The following ABCD3 variants were observed in gnomAD, a reference collection of about 807,000 sequenced individuals.
ABCD3 encodes ATP-binding cassette sub-family D member 3.
In ABCD3, 41 loss-of-function variants were observed where a neutral mutation model predicts 105.5. The observed-to-expected ratio is 0.39, with a 90% CI of 0.30 to 0.50. The LOEUF (loss-of-function observed/expected upper bound fraction) is 0.50, where lower values mean the gene tolerates loss of function less well. Ranked by LOEUF, ABCD3 falls within the 20% of genes least tolerant of loss-of-function variation. The pLI is 0.84. For missense variants in ABCD3, 622 were observed against 806.3 expected (o/e 0.77, Z 2.77); for synonymous variants, 258 against 269.0 (o/e 0.96, Z 0.40).
chr1:94,397,688 AT>A, the ABCD3 span, among the ~76,000 whole-genome samples: 5 of 151,894 alleles, frequency 3.3e-5, no homozygotes, highest in East Asian at 3.9e-4. Flanking sequence ...TAAAATTACT[AT>A]TTTTTTTCCT....
the ABCD3 span, among the ~76,000 whole-genome samples, chr1:94,401,536 GT>G: frequency 6.6e-6 from 1 of 152,202 alleles, no homozygotes; most frequent in African/African-American, 2.4e-5. Flanking sequence ...TATTCTGAAG[GT>G]TGCTTGAGAG....
At position 94,480,613 on chromosome 1, in the gene ABCD3, A is replaced by G. The variant is rs759341041; in HGVS notation, c.827+7A>G. 6.2e-7 allele frequency: 1 copy of G among 1,613,582 alleles called. No individual in the cohort carries two copies. Among genetic ancestry groups the G allele is most frequent in the Non-Finnish European group, 8.5e-7 (1 of 1,179,632 alleles). ...CTCGGCTCATCACAAACAGGTAAAG[A>G]CAAATGCATTAAAGCCTTGCTAAAA... On this transcript the variant is annotated splice_region_variant and intron_variant, in intron 9 of 22. Transcript: ENST00000370214.
chr1:94,404,744 A>G, the ABCD3 span, among the ~76,000 whole-genome samples: 1 of 151,924 alleles, frequency 6.6e-6, no homozygotes, highest in Admixed American at 6.6e-5. Context: ...ATATATCTTT[A>G]TTTTCCCTTC....
intron 1 of ABCD3, among the ~76,000 whole-genome samples, chr1:94,440,783 T>C (rs1660103505): frequency 6.6e-6 from 1 of 152,244 alleles, no homozygotes; most frequent in Non-Finnish European, 1.5e-5. Context: ...GTATGTGTTG[T>C]CCATGGGTTT....
intron 14 of ABCD3, 30 bp from the exon 15 acceptor site, chr1:94,489,873 T>C: frequency 1.2e-6 from 2 of 1,612,002 alleles, no homozygotes; most frequent in Non-Finnish European, 1.7e-6. Context: ...TGACATAATA[T>C]GATGCTTTAA....
At chr1:94,385,417 A>G in the ABCD3 span, among the ~76,000 whole-genome samples, 1 of 152,112 alleles carries the variant, frequency 6.6e-6, no homozygotes, top group Non-Finnish European at 1.5e-5. Context: ...AAAAAGAGGG[A>G]GAGCAAAAGT....
At chr1:94,485,790 AT>A in intron 10 of ABCD3, among the ~76,000 whole-genome samples, 1 of 152,230 alleles carries the variant, frequency 6.6e-6, no homozygotes, top group Non-Finnish European at 1.5e-5. Context: ...GTCTGTACTT[AT>A]GTACACATAT....
intron 16 of ABCD3, among the ~76,000 whole-genome samples, chr1:94,492,441 C>T (rs948704351): frequency 3.3e-5 from 5 of 152,268 alleles, no homozygotes; most frequent in African/African-American, 1.2e-4. Context: ...ATGCAAAGTA[C>T]TTTGAACTTA....
intron 4 of ABCD3, among the ~76,000 whole-genome samples, chr1:94,470,814 ATTT>A (rs1490498630): frequency 2.0e-5 from 3 of 151,844 alleles, no homozygotes; most frequent in East Asian, 3.9e-4. Flanking sequence ...TATCCAGTGA[ATTT>A]TTATTTGTTA....
At chr1:94,424,279 CT>C in intron 1 of ABCD3, among the ~76,000 whole-genome samples, 1 of 152,234 alleles carries the variant, frequency 6.6e-6, no homozygotes, top group East Asian at 1.9e-4. Context: ...GGTAGGCATT[CT>C]ATTTCAAGGC....
intron 1 of ABCD3, among the ~76,000 whole-genome samples, chr1:94,446,863 G>A (rs941366318): frequency 2.0e-5 from 3 of 152,182 alleles, no homozygotes; most frequent in African/African-American, 7.2e-5. Flanking sequence ...CTATTCAACC[G>A]ATTGTAACTT....
chr1:94,405,602 C>T, the ABCD3 span, among the ~76,000 whole-genome samples: 2 of 152,188 alleles, frequency 1.3e-5, no homozygotes, highest in African/African-American at 4.8e-5. Context: ...CCGCCATTAT[C>T]AAGCTTTTGA....
At chr1:94,497,433 T>C (rs1244977084) in intron 16 of ABCD3, among the ~76,000 whole-genome samples, 1 of 152,224 alleles carries the variant, frequency 6.6e-6, no homozygotes, top group Non-Finnish European at 1.5e-5. Flanking sequence ...CCAGCTAGGG[T>C]AACTCATATC....
At chr1:94,469,925 A>G (rs1245790501) in intron 4 of ABCD3, among the ~76,000 whole-genome samples, 1 of 151,992 alleles carries the variant, frequency 6.6e-6, no homozygotes, top group Non-Finnish European at 1.5e-5. Context: ...TCGGCCTCCC[A>G]AAGTGCTGGG....
At chr1:94,471,409 T>G (rs943416171) in intron 4 of ABCD3, among the ~76,000 whole-genome samples, 5 of 151,558 alleles carry the variant, frequency 3.3e-5, no homozygotes. Flanking sequence ...TATAAAAAAG[T>G]TAGCTGGCTG....
At position 94,475,379 on chromosome 1, in the gene ABCD3, A is replaced by G. The variant is rs1368745209; in HGVS notation, c.503+139A>G. The G allele has an allele frequency of 6.6e-6, 5 of 757,822 alleles. No homozygotes were observed. The African/African-American group carries it at 7.1e-5, about 11-fold the overall frequency. 46.9% of individuals were successfully genotyped at this position (757,822 alleles called of 1,614,324 possible). On this transcript the variant is annotated intron_variant, in intron 6 of 22. Coordinates refer to ENST00000370214, the MANE Select transcript of ABCD3 (RefSeq NM_002858.4). ...TAGGTACAGAAGCATGTTGGGAACA[A>G]CCTTTCAGTTATTTGGAATCTAGTC...
intron 1 of ABCD3, among the ~76,000 whole-genome samples, chr1:94,450,963 C>T (rs528326325): frequency 3.9e-4 from 60 of 152,254 alleles, no homozygotes; most frequent in South Asian, 1.0e-3. Flanking sequence ...GACTTTTCTC[C>T]TAATTTATGA....
intron 16 of ABCD3, among the ~76,000 whole-genome samples, chr1:94,497,065 T>A (rs1381680902): frequency 6.6e-6 from 1 of 152,104 alleles, no homozygotes; most frequent in Non-Finnish European, 1.5e-5. Flanking sequence ...TCTTTCAAAG[T>A]TTTACTTAGT....
chr1:94,460,861 A>G (rs1647835292), intron 2 of ABCD3, among the ~76,000 whole-genome samples: 1 of 152,098 alleles, frequency 6.6e-6, no homozygotes, highest in Non-Finnish European at 1.5e-5. Context: ...TCTCATGTCT[A>G]AGTTCTATCT....
Sources: gnomAD v4.1 joint callset for allele counts (sites outside exome capture counted in the v4.1 genomes callset) on GRCh38, gnomAD v4.1.1 for gene constraint, MANE v1.5 for transcripts, NCBI Gene and HGNC (gene_info 2026-07-23, HGNC 2026-07-21) for gene names.